CLVS1: variants seen among roughly 807,000 people sequenced by gnomAD.
The protein encoded by CLVS1 is clavesin 1.
A neutral mutation model predicts 33.1 loss-of-function variants in CLVS1; 10 were observed. That is an observed-to-expected ratio of 0.30 (90% CI 0.19 to 0.51). The LOEUF (loss-of-function observed/expected upper bound fraction) is 0.51. Among genes scored for constraint, CLVS1 ranks in the 20% least tolerant of loss-of-function variants. The pLI, the probability that CLVS1 is intolerant of heterozygous loss-of-function variation, is 0.97. For missense variants in CLVS1, 343 were observed against 433.4 expected (o/e 0.79, Z 1.85); for synonymous variants, 163 against 166.1 (o/e 0.98, Z 0.14).
intron 2 of CLVS1, among the ~76,000 whole-genome samples, chr8:61,267,019 C>G (rs1809323249): frequency 6.6e-6 from 1 of 152,214 alleles, no homozygotes; most frequent in Non-Finnish European, 1.5e-5. Flanking sequence ...GAGACAGAAT[C>G]TCAGGAGAGA....
intron 2 of CLVS1, among the ~76,000 whole-genome samples, chr8:61,273,569 G>A (rs1191060417): frequency 6.6e-6 from 1 of 152,270 alleles, no homozygotes; most frequent in Admixed American, 6.5e-5. Flanking sequence ...CCCGGGCAAT[G>A]GCGGGCGCCC....
chr8:61,398,661 C>T (rs1399128443), intron 3 of CLVS1, among the ~76,000 whole-genome samples: 2 of 152,070 alleles, frequency 1.3e-5, no homozygotes, highest in Non-Finnish European at 2.9e-5. Context: ...GGGTATTAAA[C>T]CCAGCATCTA....
At chr8:61,002,922 A>G in the CLVS1 span, among the ~76,000 whole-genome samples, 1 of 152,238 alleles carries the variant, frequency 6.6e-6, no homozygotes, top group Non-Finnish European at 1.5e-5. Flanking sequence ...CTAGCATATC[A>G]AATCTGCTGC....
At chr8:61,007,111 G>A in the CLVS1 span, among the ~76,000 whole-genome samples, 2 of 152,224 alleles carry the variant, frequency 1.3e-5, no homozygotes, top group Non-Finnish European at 2.9e-5. Flanking sequence ...AGGATCTTGA[G>A]ATTCTGAGAA....
intron 3 of CLVS1, among the ~76,000 whole-genome samples, chr8:61,414,009 A>G (rs1372315500): frequency 2.0e-5 from 3 of 152,254 alleles, no homozygotes; most frequent in Non-Finnish European, 2.9e-5. Context: ...TGATTAATAA[A>G]TTAGCCTGGA....
intron 2 of CLVS1, among the ~76,000 whole-genome samples, chr8:61,134,459 T>C (rs1806155648): frequency 6.6e-6 from 1 of 152,256 alleles, no homozygotes; most frequent in South Asian, 2.1e-4. Context: ...ATCAAAAGAA[T>C]ATCTCATGTC....
At chr8:60,987,985 G>T in the CLVS1 span, among the ~76,000 whole-genome samples, 1 of 152,120 alleles carries the variant, frequency 6.6e-6, no homozygotes, top group African/African-American at 2.4e-5. Context: ...GAAATGGGGT[G>T]GGGAGTGAGC....
At chr8:61,374,918 A>C (rs1196173275) in intron 2 of CLVS1, among the ~76,000 whole-genome samples, 1 of 152,168 alleles carries the variant, frequency 6.6e-6, no homozygotes, top group Admixed American at 6.5e-5. Context: ...TTTTAGTAAG[A>C]AGAACTATAC....
At chr8:61,233,786 A>G (rs1214632864) in intron 2 of CLVS1, among the ~76,000 whole-genome samples, 4 of 152,198 alleles carry the variant, frequency 2.6e-5, no homozygotes, top group Non-Finnish European at 2.9e-5. Context: ...TCCTTGATGC[A>G]TGGGCTTTGG....
At chr8:61,160,375 A>G (rs573744349) in intron 2 of CLVS1, among the ~76,000 whole-genome samples, 19 of 152,342 alleles carry the variant, frequency 1.2e-4, no homozygotes, top group African/African-American at 4.6e-4. Flanking sequence ...AGGAATCTAT[A>G]TTTAGTAAAC....
rs530686295 is a variant in CLVS1 at position 61,424,061 on chromosome 8, G to A, written c.631-30080G>A. Among the ~76,000 whole-genome samples the A allele has an allele frequency of 3.9e-4, 60 of 152,154 alleles. 1 individual carries two copies. The highest frequency in any genetic ancestry group is 1.2e-3 in the South Asian group (6 of 4,820). The stretch of plus-strand genomic sequence containing the variant: ...CACACGCACACAAACATGCACACAC[G>A]CATACAGTACAGGGCCACCTGTGAC... On this transcript the variant is annotated intron_variant, in intron 3 of 5. Transcript: ENST00000325897.
intron 2 of CLVS1, among the ~76,000 whole-genome samples, chr8:61,200,164 G>A (rs1315759413): frequency 6.6e-6 from 1 of 152,136 alleles, no homozygotes; most frequent in Non-Finnish European, 1.5e-5. Context: ...TGTTGCCCAG[G>A]CTGGGGTGCA....
At chr8:61,202,364 T>G (rs1409526450) in intron 2 of CLVS1, 2 of 745,590 alleles carry the variant, frequency 2.7e-6, no homozygotes, top group Admixed American at 1.8e-5. Flanking sequence ...GAAGATCTGA[T>G]GGACGTGGAC....
At chr8:61,303,780 G>T (rs1440551015) in intron 2 of CLVS1, among the ~76,000 whole-genome samples, 9 of 152,158 alleles carry the variant, frequency 5.9e-5, no homozygotes, top group Admixed American at 5.9e-4. Flanking sequence ...CTATCTAACA[G>T]TATGGTTGGG....
chr8:61,427,134 G>A lies in CLVS1; in HGVS notation c.631-27007G>A, dbSNP rs115226215. Among the ~76,000 whole-genome samples the A allele has an allele frequency of 7.4e-3, 1,126 of 152,222 alleles. 17 individuals carry two copies. The highest frequency in any genetic ancestry group is 0.025 in the African/African-American group (1,036 of 41,524). ...TTAAAAGTTGATTAGAGTTTTGTTT[G>A]CATCTCTTAAAGAACTTTAAAGGAG... is the stretch of plus-strand genomic sequence containing the variant. On this transcript the variant is annotated intron_variant, in intron 3 of 5. Coordinates refer to ENST00000325897, the MANE Select transcript of CLVS1 (RefSeq NM_173519.3).
Position 61,312,143 on chromosome 8 carries a change from G to A in CLVS1, c.455+11861G>A, listed in dbSNP as rs138149496. ...GTTTTGTCCCCATAAGGAAGATACT[G>A]TAGAGCCGAGAAGGAAAGCCCCTGG... is the stretch of plus-strand genomic sequence containing the variant. On this transcript the variant is annotated intron_variant, in intron 2 of 5. Coordinates refer to ENST00000325897, the MANE Select transcript of CLVS1 (RefSeq NM_173519.3). Among the ~76,000 whole-genome samples the A allele has an allele frequency of 9.7e-4, 148 of 152,324 alleles. 1 individual carries two copies. Among genetic ancestry groups the A allele is most frequent in the South Asian group, 2.5e-3 (12 of 4,830 alleles).
At chr8:61,347,164 AAGAAATAG>A (rs1473638240) in intron 2 of CLVS1, among the ~76,000 whole-genome samples, 1 of 152,130 alleles carries the variant, frequency 6.6e-6, no homozygotes, top group Non-Finnish European at 1.5e-5. Context: ...AGGTCATCCT[AAGAAATAG>A]CAGTAGCAGG....
intron 3 of CLVS1, among the ~76,000 whole-genome samples, chr8:61,420,803 T>C (rs6986077): frequency 0.024 from 3,635 of 151,818 alleles, 154 homozygotes; most frequent in African/African-American, 0.083. Flanking sequence ...ACGCCATCTC[T>C]ACTGAAAATA....
chr8:61,216,868 T>C (rs991401116), intron 2 of CLVS1, among the ~76,000 whole-genome samples: 9 of 152,294 alleles, frequency 5.9e-5, no homozygotes, highest in African/African-American at 2.2e-4. Flanking sequence ...TGTCAGTATA[T>C]AGTCTTTGAA....
Sources: gnomAD v4.1 joint callset for allele counts (sites outside exome capture counted in the v4.1 genomes callset) on GRCh38, gnomAD v4.1.1 for gene constraint, MANE v1.5 for transcripts, NCBI Gene and HGNC (gene_info 2026-07-23, HGNC 2026-07-21) for gene names.